VOPP1: variants seen among roughly 807,000 people sequenced by gnomAD.
VOPP1 encodes the protein VOPP1 WW domain binding protein.
VOPP1 carries 8 observed loss-of-function variants against 23.5 expected under a neutral mutation model. That is an observed-to-expected ratio of 0.34 (90% CI 0.20 to 0.61). The LOEUF is 0.61. Ranked by LOEUF, VOPP1 falls within the 20% of genes least tolerant of loss-of-function variation. VOPP1 has a pLI of 0.78. For missense variants in VOPP1, 174 were observed against 238.1 expected, an observed-to-expected ratio of 0.73 and a Z score of 1.77; for synonymous variants, 83 against 97.3, an observed-to-expected ratio of 0.85 and a Z score of 0.86.
intron 2 of VOPP1, among the ~76,000 whole-genome samples, chr7:55,504,505 A>G (rs1794581974): frequency 6.6e-6 from 1 of 152,212 alleles, no homozygotes; most frequent in South Asian, 2.1e-4. Context: ...TCTCCTTGTA[A>G]GGACTGCAGA....
chr7:55,543,059 G>A (rs1051528914), intron 1 of VOPP1, among the ~76,000 whole-genome samples: 23 of 152,068 alleles, frequency 1.5e-4, no homozygotes, highest in African/African-American at 5.1e-4. Context: ...GGGAATACAG[G>A]CACCTGCCAC....
chr7:55,534,116 A>G (rs1167021300), intron 1 of VOPP1, among the ~76,000 whole-genome samples: 1 of 143,502 alleles, frequency 7.0e-6, no homozygotes, highest in Admixed American at 7.5e-5. Context: ...CCGTGAAGGA[A>G]ATCATTTCAT....
At chr7:55,566,555 A>G (rs761413954) in intron 1 of VOPP1, among the ~76,000 whole-genome samples, 2 of 152,194 alleles carry the variant, frequency 1.3e-5, no homozygotes, top group Admixed American at 6.5e-5. Flanking sequence ...GAGGGAGACC[A>G]TATCTCTAAA....
downstream of VOPP1, among the ~76,000 whole-genome samples, chr7:55,468,286 A>G (rs1055017485): frequency 6.6e-6 from 1 of 150,838 alleles, no homozygotes; most frequent in Admixed American, 6.6e-5. Flanking sequence ...AAAAAAAAAA[A>G]AAGAAAAAAA....
chr7:55,509,533 C>T (rs1029702634), intron 2 of VOPP1, among the ~76,000 whole-genome samples: 1 of 152,200 alleles, frequency 6.6e-6, no homozygotes, highest in African/African-American at 2.4e-5. Context: ...AATACTAATA[C>T]ATTGGGTGTT....
At chr7:55,531,869 T>C (rs755976099) in intron 1 of VOPP1, among the ~76,000 whole-genome samples, 17 of 152,196 alleles carry the variant, frequency 1.1e-4, no homozygotes, top group Non-Finnish European at 2.4e-4. Flanking sequence ...TCTCCTCCAG[T>C]TGGGCCTAAA....
At chr7:55,486,489 A>G (rs17565689) in intron 4 of VOPP1, among the ~76,000 whole-genome samples, 29,461 of 152,168 alleles carry the variant, frequency 0.19, 2,966 homozygotes, top group South Asian at 0.27. Context: ...GTGCCGCGTA[A>G]GAATAACGGA....
At chr7:55,470,227 T>G (rs533353062), downstream of VOPP1, among the ~76,000 whole-genome samples, 57 of 152,168 alleles carry the variant, frequency 3.7e-4, no homozygotes, top group African/African-American at 1.2e-3. Flanking sequence ...AAATAAAAAA[T>G]AAATAATTAA....
At chr7:55,454,670 A>T (rs1348164678) in intron 4 of VOPP1, among the ~76,000 whole-genome samples, 1 of 152,206 alleles carries the variant, frequency 6.6e-6, no homozygotes, top group Non-Finnish European at 1.5e-5. Flanking sequence ...AACATAATAC[A>T]TTACATAAAG....
intron 1 of VOPP1, among the ~76,000 whole-genome samples, chr7:55,542,593 C>T (rs1797180559): frequency 1.3e-5 from 2 of 152,234 alleles, no homozygotes; most frequent in Non-Finnish European, 1.5e-5. Context: ...AGTTCAAGAC[C>T]AGCCTGGCCA....
chr7:55,506,216 T>A (rs745307861), intron 2 of VOPP1, among the ~76,000 whole-genome samples: 5 of 152,222 alleles, frequency 3.3e-5, no homozygotes, highest in Non-Finnish European at 7.3e-5. Context: ...CCTAGACAAG[T>A]CATCTGTGAT....
chr7:55,436,254 GCCTGGGAGCTTGTGTTCAC>G (rs1394865269), intron 4 of VOPP1: 1 of 152,222 alleles, frequency 6.6e-6, no homozygotes, highest in Non-Finnish European at 1.5e-5. Context: ...AGACTCTGGA[GCCTGGGAGCTTGTGTTCAC>G]CTCTGAGCTC....
At chr7:55,498,863 T>C (rs1794167188) in intron 2 of VOPP1, among the ~76,000 whole-genome samples, 1 of 152,150 alleles carries the variant, frequency 6.6e-6, no homozygotes, top group African/African-American at 2.4e-5. Context: ...AAGCTGCTCT[T>C]CCCTGGTTGT....
intron 1 of VOPP1, chr7:55,552,859 A>T (rs565530918): frequency 3.6e-6 from 5 of 1,403,276 alleles, no homozygotes; most frequent in Non-Finnish European, 4.6e-6. Flanking sequence ...CTATGGCAAC[A>T]CAACAGGATT....
chr7:55,564,812 A>G (rs752422684), intron 1 of VOPP1, among the ~76,000 whole-genome samples: 49 of 152,164 alleles, frequency 3.2e-4, no homozygotes, highest in African/African-American at 1.1e-3. Context: ...CTCCAGCAAC[A>G]CTGAGGGATT....
rs59713326 is a variant in VOPP1 at position 55,497,565 on chromosome 7, G to T, written c.191+48C>A. 59 of 1,420,900 alleles carry T rather than the reference G, an allele frequency of 4.2e-5. 4 individuals are homozygous for T. The highest frequency in any genetic ancestry group is 2.8e-4 in the South Asian group (22 of 77,342). The allele number at this position is 1,420,900 out of a possible 1,614,324, so 88.0% of individuals were successfully genotyped here. A position where few individuals can be genotyped will look rare whatever the true frequency, so the allele number is the denominator to read the frequency against. Reference sequence around the variant, plus strand: ...TGTGACAACACTGATGGGGGGGGGGGGGGGGCAGAGCTCTCGGGGTAGGGA... The same window carrying T: ...TGTGACAACACTGATGGGGGGGGGGTGGGGGCAGAGCTCTCGGGGTAGGGA... On this transcript the variant is annotated intron_variant, in intron 3 of 4. Transcript: ENST00000285279.
At chr7:55,515,700 ACAGGAGCAG>A (rs1416685685) in intron 2 of VOPP1, among the ~76,000 whole-genome samples, 1 of 152,148 alleles carries the variant, frequency 6.6e-6, no homozygotes, top group Non-Finnish European at 1.5e-5. Context: ...CCTCTGTGCC[ACAGGAGCAG>A]CAGGCACAGC....
intron 1 of VOPP1, among the ~76,000 whole-genome samples, chr7:55,522,820 A>AG (rs1376638341): frequency 6.6e-6 from 1 of 152,252 alleles, no homozygotes; most frequent in Non-Finnish European, 1.5e-5. Flanking sequence ...TGGCCTCCAT[A>AG]GCGCCCTTTT....
chr7:55,525,984 T>C (rs180740028), intron 1 of VOPP1, among the ~76,000 whole-genome samples: 8 of 152,286 alleles, frequency 5.3e-5, no homozygotes, highest in Admixed American at 2.6e-4. Context: ...GGTCAACTGC[T>C]TTCTGTTACC....
Sources: allele counts gnomAD v4.1 joint callset (sites outside exome capture counted in the v4.1 genomes callset), GRCh38; gene constraint gnomAD v4.1.1; transcripts MANE v1.5; gene names NCBI Gene and HGNC (gene_info 2026-07-23, HGNC 2026-07-21).